PTPRD: variants seen among roughly 807,000 people sequenced by gnomAD.
PTPRD encodes the protein protein tyrosine phosphatase receptor type D.
A neutral mutation model predicts 214.5 loss-of-function variants in PTPRD; 34 were observed. That is an observed-to-expected ratio of 0.16 (90% CI 0.12 to 0.21). The LOEUF is 0.21. Ranked by LOEUF, PTPRD falls within the 10% of genes least tolerant of loss-of-function variation. PTPRD has a pLI of 1.00. For synonymous variants in PTPRD, 1,128 were observed against 845.7 expected, an observed-to-expected ratio of 1.33 and a Z score of -5.79; for missense variants, 2,545 against 2,398.7, an observed-to-expected ratio of 1.06 and a Z score of -1.27.
intron 9 of PTPRD, among the ~76,000 whole-genome samples, chr9:9,376,221 T>C (rs2060762873): frequency 6.6e-6 from 1 of 152,148 alleles, no homozygotes; most frequent in Admixed American, 6.6e-5. Context: ...TTTTCTACTA[T>C]AATCTATATG....
intron 2 of PTPRD, among the ~76,000 whole-genome samples, chr9:10,412,410 A>G (rs2098445199): frequency 6.6e-6 from 1 of 151,718 alleles, no homozygotes; most frequent in Non-Finnish European, 1.5e-5. Flanking sequence ...TTCAAAACTG[A>G]ATCAGTAATA....
intron 10 of PTPRD, among the ~76,000 whole-genome samples, chr9:9,171,646 T>C (rs1259002963): frequency 6.6e-6 from 1 of 151,920 alleles, no homozygotes; most frequent in African/African-American, 2.4e-5. Flanking sequence ...GTATTTTCTA[T>C]AAGAGAAGAG....
rs2097819827 is a variant in PTPRD at position 8,518,124 on chromosome 9, C to G, written c.1267G>C (p.Asp423His). The G allele has an allele frequency of 6.2e-7, 1 of 1,614,156 alleles. No individual in the cohort carries two copies. Among genetic ancestry groups the G allele is most frequent in the Non-Finnish European group, 8.5e-7 (1 of 1,180,024 alleles). Residue 423 changes from aspartate to histidine, a missense_variant, in exon 21 of 46, where the codon GAT (aspartate) becomes CAT (histidine). Asp to His is a moderately conservative substitution (Grantham distance 81, BLOSUM62 -1). Transcript: ENST00000381196. ...GAACTCAACATTCGTGCCTGGACAT[C>G]CCTCGGGGCACTGGATGGTGCTTGC... The part of the protein sequence containing the change: ...SEQAPSSAPR[D>H]VQARMLSSTT...
intron 8 of PTPRD, among the ~76,000 whole-genome samples, chr9:9,448,922 G>A (rs1461772961): frequency 6.6e-6 from 1 of 152,030 alleles, no homozygotes; most frequent in Non-Finnish European, 1.5e-5. Flanking sequence ...AGTGAAAAAA[G>A]AGAATGTTGT....
chr9:10,363,154 A>G (rs946820807), intron 2 of PTPRD, among the ~76,000 whole-genome samples: 7 of 152,202 alleles, frequency 4.6e-5, no homozygotes, highest in African/African-American at 1.7e-4. Context: ...TTTAATATTT[A>G]TACAACAAAT....
intron 8 of PTPRD, among the ~76,000 whole-genome samples, chr9:9,398,437 A>G (rs2068761271): frequency 6.6e-6 from 1 of 152,046 alleles, no homozygotes; most frequent in African/African-American, 2.4e-5. Context: ...GTTGAGCTAA[A>G]GGAGACAATT....
intron 11 of PTPRD, among the ~76,000 whole-genome samples, chr9:8,909,741 T>C (rs909400410): frequency 1.4e-4 from 21 of 150,414 alleles, no homozygotes; most frequent in African/African-American, 5.1e-4. Context: ...TCAAATAAGG[T>C]GGAAGACATA....
At chr9:9,093,923 G>A (rs1200382485) in intron 10 of PTPRD, among the ~76,000 whole-genome samples, 1 of 151,622 alleles carries the variant, frequency 6.6e-6, no homozygotes, top group Admixed American at 6.6e-5. Context: ...CTTCTAGCCA[G>A]AGTGACCAAG....
chr9:10,308,257 A>C (rs1033818938), intron 3 of PTPRD, among the ~76,000 whole-genome samples: 1 of 152,042 alleles, frequency 6.6e-6, no homozygotes, highest in Non-Finnish European at 1.5e-5. Context: ...GAGAGATAGC[A>C]TCTGGCTTCA....
At chr9:8,889,518 A>G (rs1467116011) in intron 11 of PTPRD, among the ~76,000 whole-genome samples, 1 of 152,088 alleles carries the variant, frequency 6.6e-6, no homozygotes, top group Non-Finnish European at 1.5e-5. Flanking sequence ...GGCTACATGG[A>G]TAAGTTCGTT....
intron 5 of PTPRD, among the ~76,000 whole-genome samples, chr9:9,772,273 T>G (rs1002287690): frequency 2.2e-4 from 33 of 152,112 alleles, no homozygotes; most frequent in Non-Finnish European, 4.4e-4. Flanking sequence ...GAAATTAACC[T>G]TGCTGATAGC....
intron 2 of PTPRD, among the ~76,000 whole-genome samples, chr9:10,368,835 C>A (rs2097560869): frequency 6.6e-6 from 1 of 152,014 alleles, no homozygotes; most frequent in East Asian, 1.9e-4. Context: ...TTTACTGATT[C>A]ATAGAAGGAC....
chr9:9,793,361 A>G (rs1274596269), intron 5 of PTPRD, among the ~76,000 whole-genome samples: 1 of 152,110 alleles, frequency 6.6e-6, no homozygotes, highest in Non-Finnish European at 1.5e-5. Context: ...TCATATCCAG[A>G]AACAAAAGTA....
At chr9:10,200,031 C>A (rs916496351) in intron 3 of PTPRD, among the ~76,000 whole-genome samples, 6 of 151,918 alleles carry the variant, frequency 3.9e-5, no homozygotes, top group Non-Finnish European at 7.4e-5. Context: ...AGGTTTTTTA[C>A]TGTTTTTCTT....
intron 10 of PTPRD, among the ~76,000 whole-genome samples, chr9:9,137,239 T>G (rs1366639803): frequency 1.3e-5 from 2 of 152,222 alleles, no homozygotes; most frequent in Admixed American, 6.5e-5. Flanking sequence ...TTTTATTGTT[T>G]CAATAATTTA....
intron 2 of PTPRD, among the ~76,000 whole-genome samples, chr9:10,345,315 T>C (rs1323981171): frequency 6.6e-6 from 1 of 152,156 alleles, no homozygotes. Context: ...CTGGGATATA[T>C]GGCAGGTTTG....
chr9:8,608,003 G>T (rs1197748417), intron 14 of PTPRD, among the ~76,000 whole-genome samples: 1 of 152,154 alleles, frequency 6.6e-6, no homozygotes, highest in African/African-American at 2.4e-5. Flanking sequence ...GCAAACATCT[G>T]TGATTACAGG....
chr9:9,996,070 T>G (rs2154084921), intron 4 of PTPRD, among the ~76,000 whole-genome samples: 1 of 152,214 alleles, frequency 6.6e-6, no homozygotes, highest in South Asian at 2.1e-4. Context: ...GATATTTCCC[T>G]TTCCTTCATT....
chr9:8,705,075 T>C (rs1408412892), intron 12 of PTPRD, among the ~76,000 whole-genome samples: 2 of 152,194 alleles, frequency 1.3e-5, no homozygotes, highest in Non-Finnish European at 2.9e-5. Context: ...CCTCTCCTTA[T>C]ATTACTGCAA....
Sources: gnomAD v4.1 joint callset for allele counts (sites outside exome capture counted in the v4.1 genomes callset) on GRCh38, gnomAD v4.1.1 for gene constraint, MANE v1.5 for transcripts, NCBI Gene and HGNC (gene_info 2026-07-23, HGNC 2026-07-21) for gene names.